The following TPRN variants were observed in gnomAD, a reference collection of about 807,000 sequenced individuals.
TPRN encodes the protein chromosome 9 open reading frame 75.
Under a neutral mutation model 42.6 loss-of-function variants are expected in TPRN, and 32 were observed. The observed-to-expected ratio is 0.75, with a 90% CI of 0.57 to 1.01. TPRN has a LOEUF of 1.01. Among genes scored for constraint, TPRN ranks in the 50% least tolerant of loss-of-function variants. The pLI is 0.00. For missense variants in TPRN, 1,095 were observed against 957.5 expected, an observed-to-expected ratio of 1.14 and a Z score of -1.90; for synonymous variants, 541 against 445.6, an observed-to-expected ratio of 1.21 and a Z score of -2.70.
Position 137,200,685 on chromosome 9 carries a change from C to CA in TPRN, c.26_27insT (p.Pro11AlafsTer11). On this transcript the variant is annotated frameshift_variant, in exon 1 of 4. Transcript: ENST00000409012. LOFTEE classifies it high-confidence loss of function. This position sits in a 1 kb window ranked among gnomAD's most constrained non-coding sequence, Gnocchi z 4.3. ...AAGCGGGCACCGCAGCGCGCGGCCC[C>CA]GAGCCCGGCCGCCCCAGGGCGGCCA... 8.2e-7 allele frequency: 1 copy of CA among 1,215,360 alleles called. No individual in the cohort carries two copies. Among genetic ancestry groups the CA allele is most frequent in the Non-Finnish European group, 1.0e-6 (1 of 967,396 alleles). 75.3% of individuals were successfully genotyped at this position (1,215,360 alleles called of 1,614,324 possible).
intron 1 of TPRN, chr9:137,193,047 C>A: frequency 3.1e-6 from 1 of 326,818 alleles, no homozygotes. Context: ...TGGGGGGAAA[C>A]TGGGGTGGAC....
intron 1 of TPRN, among the ~76,000 whole-genome samples, chr9:137,195,355 C>T (rs930608482): frequency 3.9e-5 from 6 of 152,204 alleles, no homozygotes; most frequent in Non-Finnish European, 8.8e-5. Flanking sequence ...CTGGGGTTCC[C>T]GGCTTCAGAA....
chr9:137,198,979 C>A lies in TPRN; in HGVS notation c.1725+8G>T, dbSNP rs1156972759. 3.7e-6 allele frequency: 6 copies of A among 1,612,778 alleles called. No individual in the cohort carries two copies. The African/African-American group carries it at 5.3e-5, about 14-fold the overall frequency. On this transcript the variant is annotated splice_region_variant and intron_variant, in intron 1 of 3. Transcript: ENST00000409012. ...CTGCCAGCCAGTGGCCCTGCCCCCACCACTGACCTTCTTTCTTGAGGAGCC... is the reference window on the plus strand; with the variant it reads ...CTGCCAGCCAGTGGCCCTGCCCCCAACACTGACCTTCTTTCTTGAGGAGCC...
In TPRN at chr9:137,200,124, G is replaced by A. The variant is rs1834781262; in HGVS notation, c.588C>T (p.Phe196=). 3 of 1,242,856 alleles carry A rather than the reference G, an allele frequency of 2.4e-6. No homozygotes were observed. Among genetic ancestry groups the A allele is most frequent in the East Asian group, 3.2e-5 (1 of 31,704 alleles). 77.0% of individuals were successfully genotyped at this position (1,242,856 alleles called of 1,614,324 possible). The change falls in exon 1 of 4, where the codon TTC becomes TTT. Residue 196 remains phenylalanine (F), a synonymous_variant. Transcript: ENST00000409012. This position sits in a 1 kb window ranked among gnomAD's most constrained non-coding sequence, Gnocchi z 4.3. The part of the protein sequence containing the change: ...GASPGARRSD[F]LQKTGSNSFT... Reference sequence around the variant, plus strand: ...AGGAGTTGCTGCCGGTCTTCTGGAGGAAGTCGCTGCGCCGGGCCCCGGGGC... The same window carrying A: ...AGGAGTTGCTGCCGGTCTTCTGGAGAAAGTCGCTGCGCCGGGCCCCGGGGC...
chr9:137,192,738 A>G (rs1229712907), intron 1 of TPRN, 47 bp from the exon 2 acceptor site: 1 of 1,601,104 alleles, frequency 6.2e-7, no homozygotes, highest in African/African-American at 1.3e-5. Flanking sequence ...CCACATGGGC[A>G]CAGTGATGCC....
At chr9:137,195,401 G>A (rs892617677) in intron 1 of TPRN, among the ~76,000 whole-genome samples, 5 of 152,222 alleles carry the variant, frequency 3.3e-5, no homozygotes, top group South Asian at 2.1e-4. Context: ...AAGAGCTGGC[G>A]GAGAGACGAG....
chr9:137,192,308 G>A lies in TPRN; in HGVS notation c.2024C>T (p.Ala675Val), dbSNP rs746314611. ...SVAFSKWQEQ[A>V]LEQAPREAEP... ...TGCCTCCCTCGGGGCCTGCTCCAGC[G>A]CCTGCTCCTGCCACTTGCTGAAGGC... is the stretch of plus-strand genomic sequence containing the variant. The change falls in exon 3 of 4, where the codon GCG becomes GTG. Residue 675 changes from alanine to valine, a missense_variant. Physicochemically the swap from Ala to Val is moderately conservative, Grantham distance 64. Coordinates refer to ENST00000409012, the MANE Select transcript of TPRN (RefSeq NM_001128228.3). The A allele has an allele frequency of 4.7e-5, 75 of 1,612,826 alleles. No individual in the cohort carries two copies. The highest frequency in any genetic ancestry group is 6.7e-5 in the African/African-American group (5 of 74,920).
In TPRN at chr9:137,192,446, C is replaced by T. The variant is rs1362438961; in HGVS notation, c.1966+5G>A. The T allele has an allele frequency of 2.5e-6, 4 of 1,607,662 alleles. No homozygotes were observed. The highest frequency in any genetic ancestry group is 1.7e-5 in the Admixed American group (1 of 59,312). On this transcript the variant is annotated splice_donor_5th_base_variant and intron_variant, in intron 2 of 3. Coordinates refer to ENST00000409012, the MANE Select transcript of TPRN (RefSeq NM_001128228.3). ...AGGCTGCCTGTCCCCCAGGTGGGCA[C>T]TCACCTGAGCTACCCTCTGGCAGCC...
Position 137,199,737 on chromosome 9 carries a change from T to G in TPRN, c.975A>C (p.Ala325=), listed in dbSNP as rs1400317184. ...LQARALASLR[A]NSRNSFMVIP... ...TGACCATGAAAGAATTTCGAGAGTT[T>G]GCGCGGAGGCTGGCCAGCGCCCGGG... Residue 325 remains alanine (A), a synonymous_variant, in exon 1 of 4, where the codon GCA becomes GCC. Coordinates refer to ENST00000409012, the MANE Select transcript of TPRN (RefSeq NM_001128228.3). The G allele has an allele frequency of 6.2e-7, 1 of 1,611,964 alleles. No homozygotes were observed. Among genetic ancestry groups the G allele is most frequent in the African/African-American group, 1.3e-5 (1 of 74,910 alleles).
In TPRN at chr9:137,200,733, G is replaced by A. The variant is rs1288024851; in HGVS notation, c.-22C>T. The A allele has an allele frequency of 3.6e-6, 4 of 1,109,966 alleles. No individual in the cohort carries two copies. The highest frequency in any genetic ancestry group is 3.9e-5 in the South Asian group (1 of 25,678). 68.8% of individuals were successfully genotyped at this position (1,109,966 alleles called of 1,614,324 possible). A position where few individuals can be genotyped will look rare whatever the true frequency, so the allele number is the denominator to read the frequency against. ...CCATGCTGCGAACGCGGCAGCGGACGGCTGGACTGAGGGCCGGAGTGGCAG... is the reference window on the plus strand; with the variant it reads ...CCATGCTGCGAACGCGGCAGCGGACAGCTGGACTGAGGGCCGGAGTGGCAG... On this transcript the variant is annotated 5_prime_UTR_variant, in exon 1 of 4. Coordinates refer to ENST00000409012, the MANE Select transcript of TPRN (RefSeq NM_001128228.3). This position sits in a 1 kb window ranked among gnomAD's most constrained non-coding sequence, Gnocchi z 4.3.
Position 137,199,718 on chromosome 9 carries a change from T to C in TPRN, c.994A>G (p.Met332Val), listed in dbSNP as rs751092269. ...SLRANSRNSF[M>V]VIPKSKASGA... ...GAGGCCTTGCTCTTGGGGATGACCA[T>C]GAAAGAATTTCGAGAGTTTGCGCGG... The change falls in exon 1 of 4, where the codon ATG becomes GTG. Residue 332 changes from methionine to valine, a missense_variant. Physicochemically the swap from Met to Val is conservative, Grantham distance 21 (BLOSUM62 1). Coordinates refer to ENST00000409012, the MANE Select transcript of TPRN (RefSeq NM_001128228.3). 1 of 1,611,760 alleles carries C rather than the reference T, an allele frequency of 6.2e-7. No homozygotes were observed. Among genetic ancestry groups the C allele is most frequent in the Non-Finnish European group, 8.5e-7 (1 of 1,179,604 alleles).
In TPRN at chr9:137,191,925, G is replaced by A; in HGVS notation, c.*187C>T. ...CCCCCTTGGACCCTCCCAAATCAGG[G>A]CCGGGGAGTGAGACCCAGACCTGGC... On this transcript the variant is annotated 3_prime_UTR_variant, in exon 4 of 4. Coordinates refer to ENST00000409012, the MANE Select transcript of TPRN (RefSeq NM_001128228.3). 1.4e-6 allele frequency: 1 copy of A among 725,210 alleles called. No homozygotes were observed. The allele number at this position is 725,210 out of a possible 1,614,324, so 44.9% of individuals were successfully genotyped here. A position where few individuals can be genotyped will look rare whatever the true frequency, so the allele number is the denominator to read the frequency against.
chr9:137,198,904 G>A, intron 1 of TPRN, 83 bp downstream of exon 1: 1 of 1,601,284 alleles, frequency 6.2e-7, no homozygotes, highest in Non-Finnish European at 8.5e-7. Flanking sequence ...AAGCGTCCTG[G>A]GATCAGGGCA....
rs1308266017 is a variant in TPRN, at chr9:137,199,140, A to G, written c.1572T>C (p.Pro524=). 1.2e-6 allele frequency: 2 copies of G among 1,613,144 alleles called. No homozygotes were observed. Among genetic ancestry groups the G allele is most frequent in the Admixed American group, 1.7e-5 (1 of 60,024 alleles). Residue 524 remains proline, a synonymous_variant, in exon 1 of 4, where the codon CCT becomes CCC. Coordinates refer to ENST00000409012, the MANE Select transcript of TPRN (RefSeq NM_001128228.3). ...DQHFSQANRE[P]RPREAEEEEA... ...CCTCCTCCTCGGCCTCCCGTGGCCG[A>G]GGCTCCCTGTTGGCCTGACTGAAGT...
chr9:137,200,209 C>A lies in TPRN; in HGVS notation c.503G>T (p.Arg168Leu), dbSNP rs1834783780. ...CGGGCTGGGGGCCGCGGGCGGGGGCCGGGGCGGCGCGGGCGGCGGCGGCGG... is the reference window on the plus strand; with the variant it reads ...CGGGCTGGGGGCCGCGGGCGGGGGCAGGGGCGGCGCGGGCGGCGGCGGCGG... ...PPPPPPPAPP[R>L]PPPAAPSPPA... is the part of the protein sequence containing the mutation. Residue 168 changes from arginine (R) to leucine (L), a missense_variant, in exon 1 of 4, where the codon CGG (arginine) becomes CTG (leucine). Coordinates refer to ENST00000409012, the MANE Select transcript of TPRN (RefSeq NM_001128228.3). The surrounding 1 kb of genome is among the most constrained non-coding windows in gnomAD (Gnocchi z 4.3). The A allele has an allele frequency of 1.1e-6, 1 of 945,808 alleles. No individual in the cohort carries two copies. The highest frequency in any genetic ancestry group is 1.8e-5 in the African/African-American group (1 of 54,418). The allele number at this position is 945,808 out of a possible 1,614,324, so 58.6% of individuals were successfully genotyped here.
chr9:137,192,552 C>G lies in TPRN; in HGVS notation c.1865G>C (p.Gly622Ala). Residue 622 changes from glycine (G) to alanine (A), a missense_variant, in exon 2 of 4, where the codon GGA becomes GCA. Transcript: ENST00000409012. ...EEEEEEEEEE[G>A]SGSEEKPFAL... ...AAAGGGCTTCTCCTCTGAGCCGGATCCCTCTTCCTCCTCTTCCTCTTCCTC... is the reference window on the plus strand; with the variant it reads ...AAAGGGCTTCTCCTCTGAGCCGGATGCCTCTTCCTCCTCTTCCTCTTCCTC... The G allele has an allele frequency of 6.2e-7, 1 of 1,610,168 alleles. No homozygotes were observed. The highest frequency in any genetic ancestry group is 8.5e-7 in the Non-Finnish European group (1 of 1,178,398).
Position 137,192,332 on chromosome 9 carries a change from G to T in TPRN, c.2000C>A (p.Ala667Asp). The T allele has an allele frequency of 1.2e-6, 2 of 1,613,018 alleles. No homozygotes were observed. The highest frequency in any genetic ancestry group is 1.1e-5 in the South Asian group (1 of 91,080). The change falls in exon 3 of 4, where the codon GCC (alanine) becomes GAC (aspartate). Residue 667 changes from alanine (A) to aspartate (D), a missense_variant. Physicochemically the swap from Ala to Asp is moderately radical, Grantham distance 126. Transcript: ENST00000409012. ...CGCCTGCTCCTGCCACTTGCTGAAG[G>T]CCACAGAGTGCTTCGGGGTGTAGCT... ...LSSYTPKHSV[A>D]FSKWQEQALE... is the part of the protein sequence containing the mutation.
intron 1 of TPRN, among the ~76,000 whole-genome samples, chr9:137,196,339 C>A (rs1267104122): frequency 1.3e-5 from 2 of 152,240 alleles, no homozygotes; most frequent in South Asian, 2.1e-4. Context: ...GTAATCCCAG[C>A]ACTTTGGGAG....
Position 137,199,088 on chromosome 9 carries a change from A to G in TPRN, c.1624T>C (p.Leu542=), listed in dbSNP as rs1232511341. 5 of 1,613,220 alleles carry G rather than the reference A, an allele frequency of 3.1e-6. No homozygotes were observed. The Admixed American group carries it at 5.0e-5, about 16-fold the overall frequency. The change falls in exon 1 of 4, where the codon TTG becomes CTG. Residue 542 remains leucine (L), a synonymous_variant. Transcript: ENST00000409012. The part of the protein sequence containing the change: ...EEASCLLGPT[L]KKRYPTVHEI... ...TGCACGGTGGGGTAGCGCTTCTTCA[A>G]CGTGGGCCCCAGGAGGCAACTAGCC...
Sources: gnomAD v4.1 joint callset for allele counts (sites outside exome capture counted in the v4.1 genomes callset) on GRCh38, gnomAD v4.1.1 for gene constraint, Gnocchi (gnomAD v3.1) non-coding constraint, MANE v1.5 for transcripts, NCBI Gene and HGNC (gene_info 2026-07-23, HGNC 2026-07-21) for gene names.